The following PIEZO2 variants were observed in gnomAD, a reference collection of about 807,000 sequenced individuals.
PIEZO2 encodes the protein piezo type mechanosensitive ion channel component 2, also known as piezo-type mechanosensitive ion channel component 2.
PIEZO2 carries 172 observed loss-of-function variants against 337.3 expected under a neutral mutation model. The ratio of observed to expected loss-of-function variants is 0.51; its 90% CI spans 0.45 to 0.58. The LOEUF is 0.58. PIEZO2 is among the 20% of genes least tolerant of loss of function. PIEZO2 has a pLI of 0.00. For synonymous variants in PIEZO2, 1,251 were observed against 1,228.5 expected (o/e 1.02, Z -0.38); for missense variants, 3,028 against 3,391.3 (o/e 0.89, Z 2.66).
Position 11,038,080 on chromosome 18 carries a change from A to G in PIEZO2, c.160+28047T>C, listed in dbSNP as rs1201149051. On this transcript the variant is annotated intron_variant, in intron 2 of 55. Transcript: ENST00000674853. The surrounding 1 kb of genome is among the most constrained non-coding windows in gnomAD (Gnocchi z 4.1). ...TGTAAGATAAGAAGGAGGAAGTCAC[A>G]CTTGTTTTTCATTGGCTCAAAACAT... 6.6e-6 allele frequency among the ~76,000 whole-genome samples: 1 copy of G among 152,168 alleles called. No individual in the cohort carries two copies. The highest frequency in any genetic ancestry group is 1.5e-5 in the Non-Finnish European group (1 of 68,032).
intron 2 of PIEZO2, among the ~76,000 whole-genome samples, chr18:11,018,512 G>A (rs1345019304): frequency 6.6e-6 from 1 of 151,724 alleles, no homozygotes; most frequent in Non-Finnish European, 1.5e-5. Context: ...ATTAATCAGA[G>A]TTTGACGTAA....
Position 10,784,610 on chromosome 18 carries a change from C to A in PIEZO2, c.2492+174G>T, listed in dbSNP as rs543187850. The stretch of plus-strand genomic sequence containing the variant: ...TAAGTCACTACCCATTGTTTCAGAA[C>A]GTGTCACAGAATCTTCCACATGTTT... On this transcript the variant is annotated intron_variant, in intron 17 of 55. Transcript: ENST00000674853. This position sits in a 1 kb window ranked among gnomAD's most constrained non-coding sequence, Gnocchi z 4.5. Among the ~76,000 whole-genome samples the A allele has an allele frequency of 6.6e-6, 1 of 152,310 alleles. No individual in the cohort carries two copies. Among genetic ancestry groups the A allele is most frequent in the Non-Finnish European group, 1.5e-5 (1 of 68,038 alleles).
intron 1 of PIEZO2, among the ~76,000 whole-genome samples, chr18:11,073,326 T>C (rs1330619080): frequency 6.6e-6 from 1 of 152,126 alleles, no homozygotes; most frequent in Non-Finnish European, 1.5e-5. Flanking sequence ...CAGAATACAG[T>C]AAAAGTATTG....
chr18:10,972,274 T>C (rs1038805419), intron 3 of PIEZO2, among the ~76,000 whole-genome samples: 1 of 152,212 alleles, frequency 6.6e-6, no homozygotes. Context: ...TCTTCCATCA[T>C]GTTCCTCTTT....
chr18:11,064,974 A>G (rs765834281), intron 2 of PIEZO2, among the ~76,000 whole-genome samples: 5 of 152,170 alleles, frequency 3.3e-5, no homozygotes, highest in Non-Finnish European at 7.3e-5. Flanking sequence ...CATTAACAAT[A>G]TATTTTTAGT....
intron 2 of PIEZO2, among the ~76,000 whole-genome samples, chr18:10,985,094 C>T (rs561969808): frequency 6.6e-6 from 1 of 152,008 alleles, no homozygotes; most frequent in African/African-American, 2.4e-5. Flanking sequence ...GGGATTTCTT[C>T]AAAATGAAAT....
Position 10,696,403 on chromosome 18 carries a change from A to T in PIEZO2, c.6964T>A (p.Trp2322Arg). 6.2e-7 allele frequency: 1 copy of T among 1,614,252 alleles called. No homozygotes were observed. The highest frequency in any genetic ancestry group is 8.5e-7 in the Non-Finnish European group (1 of 1,180,032). ...VDFIIIVFGF[W>R]AFGKHSAAAD... ...TTGCCCCAACCTACCCCAAAGGCCC[A>T]AAAGCCGAAGACAATGATGATGAAG... The change falls in exon 46 of 56, where the codon TGG (tryptophan) becomes AGG (arginine). Residue 2322 changes from tryptophan (W) to arginine (R), a missense_variant. Transcript: ENST00000674853.
intron 2 of PIEZO2, among the ~76,000 whole-genome samples, chr18:11,051,364 T>TGTGTGTGG (rs1288310705): frequency 1.6e-4 from 25 of 151,854 alleles, no homozygotes; most frequent in Admixed American, 1.4e-3. Context: ...TGTGTGTGTG[T>TGTGTGTGG]GTGTGGGTGT....
chr18:11,106,340 C>T (rs1486317637), intron 1 of PIEZO2, among the ~76,000 whole-genome samples: 19 of 151,130 alleles, frequency 1.3e-4, no homozygotes, highest in African/African-American at 2.7e-4. Context: ...CCTCGTGATC[C>T]GCCTGCCTCG....
chr18:10,699,161 T>C lies in PIEZO2; in HGVS notation c.6458A>G (p.Asp2153Gly). 2 of 1,537,246 alleles carry C rather than the reference T, an allele frequency of 1.3e-6. No homozygotes were observed. Among genetic ancestry groups the C allele is most frequent in the Non-Finnish European group, 1.7e-6 (2 of 1,146,906 alleles). ...RSILKCHGLW[D>G]EDDMTESGMA... ...GCCACTTTCAGTCATGTCATCTTCA[T>C]CCCATAAGCCATGGCACTGAGAAAG... The change falls in exon 44 of 56, where the codon GAT becomes GGT. Residue 2153 changes from aspartate to glycine, a missense_variant. Coordinates refer to ENST00000674853, the MANE Select transcript of PIEZO2 (RefSeq NM_001378183.1).
chr18:11,006,931 C>T (rs1430133632), intron 2 of PIEZO2, among the ~76,000 whole-genome samples: 2 of 151,990 alleles, frequency 1.3e-5, no homozygotes, highest in Middle Eastern at 3.4e-3. Context: ...TTATCAAGCA[C>T]GTGATATTTT....
intron 3 of PIEZO2, among the ~76,000 whole-genome samples, chr18:10,950,073 G>C (rs1393462638): frequency 6.6e-6 from 1 of 152,116 alleles, no homozygotes; most frequent in Non-Finnish European, 1.5e-5. Context: ...TGTTGAACTC[G>C]ATTTACATTT....
chr18:10,747,018 A>G (rs2037451119), intron 30 of PIEZO2, among the ~76,000 whole-genome samples: 1 of 152,174 alleles, frequency 6.6e-6, no homozygotes, highest in African/African-American at 2.4e-5. Context: ...CCTCTTTGTA[A>G]CAGAGTTGGC....
At chr18:10,715,003 A>T (rs1234606300) in intron 38 of PIEZO2, 73 bp from the exon 39 acceptor site, 2 of 1,440,616 alleles carry the variant, frequency 1.4e-6, no homozygotes, top group East Asian at 2.5e-5. Flanking sequence ...ATTTCTCAAC[A>T]CAGACAGCTT....
Position 10,853,073 on chromosome 18 carries a change from A to G in PIEZO2, c.917+2280T>C, listed in dbSNP as rs775137068. On this transcript the variant is annotated intron_variant, in intron 7 of 55. Coordinates refer to ENST00000674853, the MANE Select transcript of PIEZO2 (RefSeq NM_001378183.1). The surrounding 1 kb of genome is among the most constrained non-coding windows in gnomAD (Gnocchi z 4.2). Reference sequence around the variant, plus strand: ...GTAAGAGGTAAAATGGCGGAGTTTAACTGGTACATGACCTTGTAGGAGCAT... The same window carrying G: ...GTAAGAGGTAAAATGGCGGAGTTTAGCTGGTACATGACCTTGTAGGAGCAT... 3.3e-5 allele frequency among the ~76,000 whole-genome samples: 5 copies of G among 152,204 alleles called. No homozygotes were observed. Among genetic ancestry groups the G allele is most frequent in the Non-Finnish European group, 7.3e-5 (5 of 68,046 alleles).
Position 10,824,021 on chromosome 18 carries a change from T to TTC in PIEZO2, c.918-16748_918-16747insGA, listed in dbSNP as rs1352353827. ...CAAGCCTTATCCTAAGGTCAGTGTATATCATTCCCATGAATATTTAACTCA... is the reference window on the plus strand; with the variant it reads ...CAAGCCTTATCCTAAGGTCAGTGTATTCATCATTCCCATGAATATTTAACTCA... On this transcript the variant is annotated intron_variant, in intron 7 of 55. Transcript: ENST00000674853. The surrounding 1 kb of genome is among the most constrained non-coding windows in gnomAD (Gnocchi z 4.4). 6.6e-6 allele frequency among the ~76,000 whole-genome samples: 1 copy of TTC among 152,240 alleles called. No individual in the cohort carries two copies. The highest frequency in any genetic ancestry group is 2.4e-5 in the African/African-American group (1 of 41,462).
At chr18:10,810,347 T>C (rs1298730656) in intron 7 of PIEZO2, among the ~76,000 whole-genome samples, 2 of 152,224 alleles carry the variant, frequency 1.3e-5, no homozygotes, top group Non-Finnish European at 2.9e-5. Context: ...CTGGTCTGTC[T>C]GCATTGCTGT....
chr18:11,089,577 C>G (rs981688949), intron 1 of PIEZO2, among the ~76,000 whole-genome samples: 1 of 152,152 alleles, frequency 6.6e-6, no homozygotes, highest in Non-Finnish European at 1.5e-5. Flanking sequence ...AACCTCCAAC[C>G]GGCATTTCTG....
Position 10,767,529 on chromosome 18 carries a change from G to A in PIEZO2, c.2946+2619C>T, listed in dbSNP as rs1035282582. ...CAGGTGGGGATGCAGGGAGGAGAAC[G>A]TCCTCTGCGCGCAGCCCGAGTGAGG... On this transcript the variant is annotated intron_variant, in intron 21 of 55. Coordinates refer to ENST00000674853, the MANE Select transcript of PIEZO2 (RefSeq NM_001378183.1). The surrounding 1 kb of genome is among the most constrained non-coding windows in gnomAD (Gnocchi z 4.2). Among the ~76,000 whole-genome samples, 9 of 152,044 alleles carry A rather than the reference G, an allele frequency of 5.9e-5. No homozygotes were observed. Among genetic ancestry groups the A allele is most frequent in the East Asian group, 1.9e-4 (1 of 5,164 alleles).
Sources: allele counts gnomAD v4.1 joint callset (sites outside exome capture counted in the v4.1 genomes callset), GRCh38; gene constraint gnomAD v4.1.1; non-coding constraint Gnocchi (gnomAD v3.1); transcripts MANE v1.5; gene names NCBI Gene and HGNC (gene_info 2026-07-23, HGNC 2026-07-21).